Variants in ZWINT observed in about 807,000 individuals in gnomAD.
ZWINT encodes the protein ZW10 interacting kinetochore protein, also known as outer kinetochore KNL1 complex subunit ZWINT.
Under a neutral mutation model 41.5 loss-of-function variants are expected in ZWINT, and 41 were observed. That is an observed-to-expected ratio of 0.99 (90% confidence interval 0.77 to 1.28). The LOEUF (loss-of-function observed/expected upper bound fraction) is 1.28, where lower values mean the gene tolerates loss of function less well. Among genes scored for constraint, ZWINT ranks in the 50% most tolerant of loss-of-function variants. ZWINT has a pLI of 0.00. For synonymous variants in ZWINT, 132 were observed against 126.8 expected (o/e 1.04, Z -0.28); for missense variants, 369 against 329.7 (o/e 1.12, Z -0.92).
chr10:56,358,458 G>A lies in ZWINT; in HGVS notation c.794C>T (p.Ala265Val). ...ATCTCCAGCAGGTTGTAGACCAACA[G>A]CCTTGGAGAAATACAGTATAGACAG... ...MGRDPGVSFKAVGLQPAGDVN... is the reference protein window; with the variant it reads ...MGRDPGVSFKVVGLQPAGDVN... Residue 265 changes from alanine (A) to valine (V), a missense_variant and splice_region_variant, in exon 8 of 9, where the codon GCT becomes GTT. Coordinates refer to ENST00000373944, the MANE Select transcript of ZWINT (RefSeq NM_007057.4). The A allele has an allele frequency of 6.2e-7, 1 of 1,614,096 alleles. No homozygotes were observed. Among genetic ancestry groups the A allele is most frequent in the Non-Finnish European group, 8.5e-7 (1 of 1,180,022 alleles).
chr10:56,359,453 T>G (rs768353445), intron 5 of ZWINT, 23 bp downstream of exon 5: 6 of 1,511,666 alleles, frequency 4.0e-6, no homozygotes, highest in Non-Finnish European at 5.3e-6. Context: ...GGAAGGGATA[T>G]TCTCCTAGGG....
Position 56,359,545 on chromosome 10 carries a change from A to C in ZWINT, c.424-13T>G. ...TGGCCATTTGTTTCTACAGATAAGC[A>C]AGGGAGAAAGACCAAGAGAAGTCTA... On this transcript the variant is annotated splice_polypyrimidine_tract_variant and intron_variant, in intron 4 of 8. Transcript: ENST00000373944. 6.4e-7 allele frequency: 1 copy of C among 1,556,710 alleles called. No individual in the cohort carries two copies. The highest frequency in any genetic ancestry group is 8.7e-7 in the Non-Finnish European group (1 of 1,155,548).
At chr10:56,360,867 A>G (rs1838315515) in intron 1 of ZWINT, among the ~76,000 whole-genome samples, 1 of 152,110 alleles carries the variant, frequency 6.6e-6, no homozygotes, top group Non-Finnish European at 1.5e-5. Flanking sequence ...TAGGGACTGG[A>G]GCAATCTACG....
rs1838189376 is a variant in ZWINT at position 56,357,335 on chromosome 10, C to T, written c.*892G>A. 6.6e-6 allele frequency: 1 copy of T among 151,854 alleles called. No individual in the cohort carries two copies. The highest frequency in any genetic ancestry group is 1.5e-5 in the Non-Finnish European group (1 of 67,946). The allele number at this position is 151,854 out of a possible 1,614,324, so 9.4% of individuals were successfully genotyped here. ...TTATCTTCTCACAATCAATAGAAGA[C>T]CAAATTATTTTTCAAAGAAATTTAT... is the stretch of plus-strand genomic sequence containing the variant. On this transcript the variant is annotated 3_prime_UTR_variant, in exon 9 of 9. Coordinates refer to ENST00000373944, the MANE Select transcript of ZWINT (RefSeq NM_007057.4).
chr10:56,359,026 C>T (rs1483912277), intron 5 of ZWINT, 79 bp from the exon 6 acceptor site: 1 of 1,540,064 alleles, frequency 6.5e-7, no homozygotes, highest in Non-Finnish European at 8.8e-7. Context: ...CCAGCCTACA[C>T]CCAGCTCAGG....
intron 2 of ZWINT, 39 bp from the exon 3 acceptor site, chr10:56,360,180 C>T (rs912056320): frequency 1.2e-6 from 2 of 1,612,882 alleles, no homozygotes; most frequent in African/African-American, 1.3e-5. Context: ...ACATCCTTAC[C>T]TCCTTACAGG....
chr10:56,359,042 G>C (rs1369981876), intron 5 of ZWINT, 95 bp from the exon 6 acceptor site: 6 of 1,458,440 alleles, frequency 4.1e-6, no homozygotes, highest in Non-Finnish European at 5.6e-6. Context: ...TCAGGGCTCA[G>C]GCTCAATGAT....
rs768228603 is a variant in ZWINT, at chr10:56,358,910, T to G, written c.518A>C (p.Glu173Ala). 1 of 1,614,082 alleles carries G rather than the reference T, an allele frequency of 6.2e-7. No homozygotes were observed. The highest frequency in any genetic ancestry group is 8.5e-7 in the Non-Finnish European group (1 of 1,180,016). The change falls in exon 6 of 9, where the codon GAG becomes GCG. Residue 173 changes from glutamate to alanine, a missense_variant. Glu to Ala is a moderately radical substitution (Grantham distance 107). Transcript: ENST00000373944. ...AGTCCCTGTCTTACGCTCCCTCACC[T>G]CTGCAGAAACCTCCGCCAGATGCTG... ...HLQHLAEVSAEVRERKTGTQQ... is the reference protein window; with the variant it reads ...HLQHLAEVSAAVRERKTGTQQ...
In ZWINT at chr10:56,361,202, G is replaced by A. The variant is rs1235197344; in HGVS notation, c.35C>T (p.Ala12Val). The change falls in exon 1 of 9, where the codon GCC (alanine) becomes GTC (valine). Residue 12 changes from alanine to valine, a missense_variant. Physicochemically the swap from Ala to Val is moderately conservative, Grantham distance 64. Transcript: ENST00000373944. Reference sequence around the variant, plus strand: ...CTTAGCCGCAAACACTTACTCTAGGGCTGCAGCTTCCGCCTCTGTCTCCGC... The same window carrying A: ...CTTAGCCGCAAACACTTACTCTAGGACTGCAGCTTCCGCCTCTGTCTCCGC... ...EAAETEAEAA[A>V]LEVLAEVAGI... The A allele has an allele frequency of 6.2e-7, 1 of 1,613,160 alleles. No homozygotes were observed. The highest frequency in any genetic ancestry group is 8.5e-7 in the Non-Finnish European group (1 of 1,179,982).
At position 56,359,760 on chromosome 10, in the gene ZWINT, G is replaced by A; in HGVS notation, c.350C>T (p.Ala117Val). ...VEAIKIGLTK[A>V]LTQMEEAQRK... ...CTGGGCTTCCTCCATCTGAGTCAGG[G>A]CCTTGGTGAGGCCAATTTTGATGGC... The change falls in exon 4 of 9, where the codon GCC becomes GTC. Residue 117 changes from alanine to valine, a missense_variant. Physicochemically the swap from Ala to Val is moderately conservative, Grantham distance 64. Coordinates refer to ENST00000373944, the MANE Select transcript of ZWINT (RefSeq NM_007057.4). 5.0e-6 allele frequency: 8 copies of A among 1,614,110 alleles called. No homozygotes were observed. Among genetic ancestry groups the A allele is most frequent in the Non-Finnish European group, 6.8e-6 (8 of 1,180,010 alleles).
Position 56,360,612 on chromosome 10 carries a change from G to A in ZWINT, c.42-229C>T, listed in dbSNP as rs986467801. Among the ~76,000 whole-genome samples, 13 of 152,348 alleles carry A rather than the reference G, an allele frequency of 8.5e-5. 1 individual carries two copies. The highest frequency in any genetic ancestry group is 8.5e-4 in the Admixed American group (13 of 15,306). Reference sequence around the variant, plus strand: ...ACGTGCCAAAAGGAAAATCAGCAGGGCTAGTGGATAAGGAGTTTGAGAAAA... The same window carrying A: ...ACGTGCCAAAAGGAAAATCAGCAGGACTAGTGGATAAGGAGTTTGAGAAAA... On this transcript the variant is annotated intron_variant, in intron 1 of 8. Coordinates refer to ENST00000373944, the MANE Select transcript of ZWINT (RefSeq NM_007057.4).
chr10:56,360,447 G>A, intron 1 of ZWINT, 64 bp from the exon 2 acceptor site: 2 of 1,377,896 alleles, frequency 1.5e-6, no homozygotes, highest in East Asian at 4.7e-5. Context: ...CAGTTCGTGT[G>A]TGTACACAAA....
chr10:56,359,581 C>T, intron 4 of ZWINT, 49 bp from the exon 5 acceptor site: 1 of 1,568,752 alleles, frequency 6.4e-7, no homozygotes, highest in Non-Finnish European at 8.6e-7. Context: ...TTTTTTCTGG[C>T]TAGAATTTTG....
Position 56,357,398 on chromosome 10 carries a change from C to T in ZWINT, c.*829G>A, listed in dbSNP as rs568917942. The T allele has an allele frequency of 9.2e-5, 14 of 151,912 alleles. No individual in the cohort carries two copies. Among genetic ancestry groups the T allele is most frequent in the Non-Finnish European group, 1.9e-4 (13 of 67,976 alleles). 9.4% of individuals were successfully genotyped at this position (151,912 alleles called of 1,614,324 possible). The stretch of plus-strand genomic sequence containing the variant: ...TAATTATAACAGAATATAGGAAATG[C>T]TATGAATTGAATGATTGTGAAAATA... On this transcript the variant is annotated 3_prime_UTR_variant, in exon 9 of 9. Transcript: ENST00000373944.
In ZWINT at chr10:56,359,728, G is replaced by C. The variant is rs752200290; in HGVS notation, c.382C>G (p.Arg128Gly). Residue 128 changes from arginine (R) to glycine (G), a missense_variant, in exon 4 of 9, where the codon CGG becomes GGG. Arg to Gly is a moderately radical substitution (Grantham distance 125). Coordinates refer to ENST00000373944, the MANE Select transcript of ZWINT (RefSeq NM_007057.4). The part of the protein sequence containing the change: ...LTQMEEAQRK[R>G]TQLREAFEQL... The stretch of plus-strand genomic sequence containing the variant: ...TCAAAGGCTTCCCGGAGTTGTGTCC[G>C]TTTCCTCTGGGCTTCCTCCATCTGA... The C allele has an allele frequency of 6.2e-7, 1 of 1,614,122 alleles. No homozygotes were observed. Among genetic ancestry groups the C allele is most frequent in the Non-Finnish European group, 8.5e-7 (1 of 1,180,012 alleles).
chr10:56,361,202 G>C lies in ZWINT; in HGVS notation c.35C>G (p.Ala12Gly), dbSNP rs1235197344. 2 of 1,613,042 alleles carry C rather than the reference G, an allele frequency of 1.2e-6. No homozygotes were observed. The highest frequency in any genetic ancestry group is 1.7e-6 in the Non-Finnish European group (2 of 1,179,990). The change falls in exon 1 of 9, where the codon GCC (alanine) becomes GGC (glycine). Residue 12 changes from alanine to glycine, a missense_variant. Transcript: ENST00000373944. ...EAAETEAEAA[A>G]LEVLAEVAGI... Reference sequence around the variant, plus strand: ...CTTAGCCGCAAACACTTACTCTAGGGCTGCAGCTTCCGCCTCTGTCTCCGC... The same window carrying C: ...CTTAGCCGCAAACACTTACTCTAGGCCTGCAGCTTCCGCCTCTGTCTCCGC...
At position 56,358,541 on chromosome 10, in the gene ZWINT, C is replaced by CCAT. The variant is rs759335559; in HGVS notation, c.792+12_792+14dup. 1 of 1,613,900 alleles carries CCAT rather than the reference C, an allele frequency of 6.2e-7. No homozygotes were observed. Among genetic ancestry groups the CCAT allele is most frequent in the Non-Finnish European group, 8.5e-7 (1 of 1,179,936 alleles). On this transcript the variant is annotated intron_variant, in intron 7 of 8. Transcript: ENST00000373944. ...ACCTGCCAGCCCATGCCCACCTGTT[C>CCAT]CATCTCTCATTTACCTTGAAGGACA...
At chr10:56,359,097 A>G in intron 5 of ZWINT, 150 bp from the exon 6 acceptor site, 2 of 978,272 alleles carry the variant, frequency 2.0e-6, no homozygotes, top group Non-Finnish European at 3.0e-6. Flanking sequence ...AGGGGCCTAG[A>G]GAAAAGGAAA....
At position 56,358,912 on chromosome 10, in the gene ZWINT, T is replaced by C. The variant is rs2132103237; in HGVS notation, c.516A>G (p.Ala172=). ...KHLQHLAEVS[A]EVRERKTGTQ... ...TCCCTGTCTTACGCTCCCTCACCTC[T>C]GCAGAAACCTCCGCCAGATGCTGCA... Residue 172 remains alanine, a synonymous_variant, in exon 6 of 9, where the codon GCA becomes GCG. Coordinates refer to ENST00000373944, the MANE Select transcript of ZWINT (RefSeq NM_007057.4). The C allele has an allele frequency of 6.2e-7, 1 of 1,614,130 alleles. No homozygotes were observed. The highest frequency in any genetic ancestry group is 1.3e-5 in the African/African-American group (1 of 75,040).
Sources: gnomAD v4.1 joint callset for allele counts (sites outside exome capture counted in the v4.1 genomes callset) on GRCh38, gnomAD v4.1.1 for gene constraint, MANE v1.5 for transcripts, NCBI Gene and HGNC (gene_info 2026-07-23, HGNC 2026-07-21) for gene names.